The following HELB variants were observed in gnomAD, a reference collection of about 807,000 sequenced individuals.
HELB encodes the protein DNA 5'-3' helicase B.
HELB carries 96 observed loss-of-function variants against 101.7 expected under a neutral mutation model. That is an observed-to-expected ratio of 0.94 (90% CI 0.80 to 1.12). The LOEUF (loss-of-function observed/expected upper bound fraction) is 1.12, where lower values mean the gene tolerates loss of function less well. HELB is among the 50% of genes most tolerant of loss of function. HELB has a pLI of 0.00. For missense variants in HELB, 1,210 were observed against 1,291.9 expected (o/e 0.94, Z 0.97); for synonymous variants, 437 against 459.7 (o/e 0.95, Z 0.63).
At chr12:66,335,362 G>A (rs751600804) in intron 12 of HELB, among the ~76,000 whole-genome samples, 5 of 152,152 alleles carry the variant, frequency 3.3e-5, no homozygotes, top group African/African-American at 4.8e-5. Context: ...TAGAGATCTG[G>A]CAGAGGAGGA....
intron 4 of HELB, among the ~76,000 whole-genome samples, chr12:66,313,530 G>T (rs965199743): frequency 6.6e-6 from 1 of 152,100 alleles, no homozygotes; most frequent in Non-Finnish European, 1.5e-5. Context: ...TTTATTTGTT[G>T]TTGGGGGTGG....
chr12:66,310,280 A>T lies in HELB; in HGVS notation c.1352A>T (p.Glu451Val). 6.2e-7 allele frequency: 1 copy of T among 1,614,192 alleles called. No homozygotes were observed. The change falls in exon 4 of 13, where the codon GAA (glutamate) becomes GTA (valine). Residue 451 changes from glutamate (E) to valine (V), a missense_variant. Glu to Val is a moderately radical substitution (Grantham distance 121). This residue lies in a region of HELB where 470 missense variants were observed against 563.1 expected (regional missense o/e 0.83). Transcript: ENST00000247815. ...SEVQLDQDQV[E>V]VPLDRDQVAA... ...GTTCAGCTGGATCAGGATCAGGTTG[A>T]AGTTCCACTGGATCGGGATCAGGTG...
At chr12:66,318,558 A>C in intron 6 of HELB, 80 bp from the exon 7 acceptor site, 1 of 1,267,108 alleles carries the variant, frequency 7.9e-7, no homozygotes, top group Non-Finnish European at 1.1e-6. Flanking sequence ...TAATTATTAT[A>C]AGGACATTAG....
chr12:66,328,817 G>A (rs1338715948), intron 11 of HELB, among the ~76,000 whole-genome samples: 1 of 152,020 alleles, frequency 6.6e-6, no homozygotes, highest in African/African-American at 2.4e-5. Flanking sequence ...ATGATATTTT[G>A]GATATGTTAG....
intron 11 of HELB, among the ~76,000 whole-genome samples, chr12:66,326,812 AC>A (rs924601590): frequency 1.1e-3 from 170 of 150,272 alleles, no homozygotes; most frequent in African/African-American, 3.9e-3. Flanking sequence ...TAGGTGGATC[AC>A]TTGCAGTCAG....
intron 12 of HELB, among the ~76,000 whole-genome samples, chr12:66,332,379 C>T (rs2053820292): frequency 6.6e-6 from 1 of 152,180 alleles, no homozygotes; most frequent in South Asian, 2.1e-4. Context: ...TTCAGTTACC[C>T]ATGGTCAACC....
intron 12 of HELB, among the ~76,000 whole-genome samples, chr12:66,334,980 G>T (rs574051967): frequency 2.2e-4 from 34 of 152,174 alleles, no homozygotes; most frequent in African/African-American, 7.7e-4. Context: ...ATAACTTTCT[G>T]ATTAGATGTG....
chr12:66,324,485 T>G (rs2053712388), intron 10 of HELB: 1 of 317,128 alleles, frequency 3.2e-6, no homozygotes, highest in South Asian at 5.4e-5. Flanking sequence ...TGAAGAAACA[T>G]TTTTAATAAA....
intron 9 of HELB, among the ~76,000 whole-genome samples, chr12:66,323,423 G>C (rs115740625): frequency 6.6e-6 from 1 of 152,102 alleles, no homozygotes; most frequent in African/African-American, 2.4e-5. Flanking sequence ...CCTCTCCCAC[G>C]TCTATAAAAG....
intron 7 of HELB, among the ~76,000 whole-genome samples, chr12:66,320,975 G>A (rs76413199): frequency 0.014 from 2,083 of 152,286 alleles, 110 homozygotes; most frequent in Admixed American, 0.09. Flanking sequence ...ACAGTATGCT[G>A]GGAGACCTTT....
At chr12:66,337,922 G>A (rs2053883582) in intron 12 of HELB, 79 bp from the exon 13 acceptor site, 2 of 800,448 alleles carry the variant, frequency 2.5e-6, no homozygotes, top group Admixed American at 2.5e-5. Context: ...TTTTTCTGAA[G>A]CAGAGGGAAT....
At chr12:66,336,904 G>C (rs185940129) in intron 12 of HELB, among the ~76,000 whole-genome samples, 2 of 152,336 alleles carry the variant, frequency 1.3e-5, no homozygotes, top group Admixed American at 6.5e-5. Flanking sequence ...CTGAGGTTTA[G>C]TGGATGATGA....
chr12:66,313,504 A>G (rs2053566542), intron 4 of HELB, among the ~76,000 whole-genome samples: 1 of 152,200 alleles, frequency 6.6e-6, no homozygotes, highest in Non-Finnish European at 1.5e-5. Context: ...TACATTTGTA[A>G]TAAAGAATTT....
intron 6 of HELB, among the ~76,000 whole-genome samples, chr12:66,316,660 G>T (rs541742981): frequency 5.9e-5 from 9 of 151,840 alleles, no homozygotes; most frequent in African/African-American, 1.9e-4. Flanking sequence ...GAGGCAGGCA[G>T]ATCACCTGAG....
chr12:66,304,592 A>T (rs887951940), intron 1 of HELB, 139 bp from the exon 2 acceptor site: 6 of 707,990 alleles, frequency 8.5e-6, no homozygotes, highest in Middle Eastern at 7.8e-4. Flanking sequence ...ATGCAGTGTT[A>T]CAGGCACCCT....
At chr12:66,325,733 C>G (rs1323196017) in intron 11 of HELB, among the ~76,000 whole-genome samples, 2 of 152,122 alleles carry the variant, frequency 1.3e-5, no homozygotes, top group Admixed American at 1.3e-4. Flanking sequence ...ACTTTTGCAA[C>G]TAGCTTTTAT....
At chr12:66,312,766 G>A (rs892379110) in intron 4 of HELB, among the ~76,000 whole-genome samples, 1 of 152,308 alleles carries the variant, frequency 6.6e-6, no homozygotes, top group African/African-American at 2.4e-5. Flanking sequence ...TTGGACTAGG[G>A]TTGCCAGATT....
intron 7 of HELB, 162 bp from the exon 8 acceptor site, chr12:66,321,786 T>A (rs141656521): frequency 3.0e-4 from 158 of 518,860 alleles, no homozygotes; most frequent in African/African-American, 2.9e-3. Flanking sequence ...TTGCCCTGGC[T>A]GATGTGGGGA....
At chr12:66,306,537 A>T (rs570008511) in intron 3 of HELB, 23 bp downstream of exon 3, 9 of 1,510,194 alleles carry the variant, frequency 6.0e-6, no homozygotes, top group Non-Finnish European at 8.0e-6. Context: ...TTTGCTCAGC[A>T]TATAGTAATC....
Sources: gnomAD v4.1 joint callset for allele counts (sites outside exome capture counted in the v4.1 genomes callset) on GRCh38, gnomAD v4.1.1 for gene constraint, gnomAD v4.1.1 regional missense constraint, MANE v1.5 for transcripts, NCBI Gene and HGNC (gene_info 2026-07-23, HGNC 2026-07-21) for gene names.